NAALADL2: variants seen among roughly 807,000 people sequenced by gnomAD.
NAALADL2 encodes N-acetylated alpha-linked acidic dipeptidase like 2.
Under a neutral mutation model 87.2 loss-of-function variants are expected in NAALADL2, and 76 were observed. That is an observed-to-expected ratio of 0.87 (90% CI 0.72 to 1.05). NAALADL2 has a LOEUF of 1.05. Ranked by LOEUF, NAALADL2 falls within the 50% of genes least tolerant of loss-of-function variation. The probability of loss-of-function intolerance (pLI) is 0.00; values close to 1 mark genes in which losing one functional copy is unlikely to be tolerated. For missense variants in NAALADL2, 1,089 were observed against 945.8 expected (o/e 1.15, Z -1.99); for synonymous variants, 354 against 331.0 (o/e 1.07, Z -0.75).
At chr3:174,883,278 G>T (rs2109732159) in intron 1 of NAALADL2, among the ~76,000 whole-genome samples, 1 of 152,116 alleles carries the variant, frequency 6.6e-6, no homozygotes, top group East Asian at 1.9e-4. Flanking sequence ...GCAATGCTTT[G>T]TATCGTTCAG....
At chr3:175,253,414 G>GA in intron 3 of NAALADL2, among the ~76,000 whole-genome samples, 1 of 152,164 alleles carries the variant, frequency 6.6e-6, no homozygotes, top group Non-Finnish European at 1.5e-5. Flanking sequence ...CTACTGCTCT[G>GA]AAAAAAAGAT....
At position 175,097,146 on chromosome 3, in the gene NAALADL2, A is replaced by C. The variant is rs753346019; in HGVS notation, c.400A>C (p.Ile134Leu). The C allele has an allele frequency of 8.1e-6, 13 of 1,613,642 alleles. No individual in the cohort carries two copies. The highest frequency in any genetic ancestry group is 1.1e-5 in the Non-Finnish European group (13 of 1,179,728). Residue 134 changes from isoleucine to leucine, a missense_variant, in exon 2 of 14, where the codon ATT (isoleucine) becomes CTT (leucine). Physicochemically the swap from Ile to Leu is conservative, Grantham distance 5. Transcript: ENST00000454872. ...HVLKILCTAT[I>L]LFIFGILIGY... ...CTTAAAAATACTTTGCACAGCCACC[A>C]TTTTATTTATTTTTGGGATTTTGAT...
chr3:175,099,116 T>C (rs766354399), intron 2 of NAALADL2, among the ~76,000 whole-genome samples: 3 of 152,274 alleles, frequency 2.0e-5, no homozygotes, highest in Non-Finnish European at 4.4e-5. Flanking sequence ...GTCTTACTTG[T>C]TTTAATTCTT....
intron 9 of NAALADL2, among the ~76,000 whole-genome samples, chr3:175,472,558 T>C (rs1725062323): frequency 6.6e-6 from 1 of 152,108 alleles, no homozygotes; most frequent in Non-Finnish European, 1.5e-5. Flanking sequence ...CCCACAGGAC[T>C]TTTTGGGGAG....
At chr3:175,213,114 C>G (rs534040149) in intron 2 of NAALADL2, among the ~76,000 whole-genome samples, 1 of 152,116 alleles carries the variant, frequency 6.6e-6, no homozygotes, top group Non-Finnish European at 1.5e-5. Context: ...AACAGCAACT[C>G]GGTGAAGTAT....
chr3:174,973,355 G>A (rs1050850852), intron 1 of NAALADL2, among the ~76,000 whole-genome samples: 1 of 152,092 alleles, frequency 6.6e-6, no homozygotes, highest in Non-Finnish European at 1.5e-5. Flanking sequence ...AAGATGTTGC[G>A]ATAAACACTA....
chr3:175,124,072 G>A (rs1347440909), intron 2 of NAALADL2, among the ~76,000 whole-genome samples: 1 of 151,900 alleles, frequency 6.6e-6, no homozygotes, highest in Non-Finnish European at 1.5e-5. Context: ...TTGTGTTTGT[G>A]TCTATGTGGT....
intron 3 of NAALADL2, among the ~76,000 whole-genome samples, chr3:174,755,370 A>C (rs1266164007): frequency 6.6e-6 from 1 of 152,200 alleles, no homozygotes; most frequent in East Asian, 1.9e-4. Flanking sequence ...AATACTCTTA[A>C]GCATTGAATT....
intron 2 of NAALADL2, among the ~76,000 whole-genome samples, chr3:175,122,285 A>G (rs1726275429): frequency 6.6e-6 from 1 of 151,814 alleles, no homozygotes; most frequent in African/African-American, 2.4e-5. Context: ...TGTTGGCTTT[A>G]TTTATGCACT....
chr3:175,654,737 G>A (rs1731218552), intron 11 of NAALADL2, among the ~76,000 whole-genome samples: 1 of 152,042 alleles, frequency 6.6e-6, no homozygotes, highest in Admixed American at 6.6e-5. Context: ...TGAATGGCAG[G>A]CAAATGAAGC....
intron 1 of NAALADL2, among the ~76,000 whole-genome samples, chr3:175,029,825 C>T (rs1752624583): frequency 6.6e-6 from 1 of 152,030 alleles, no homozygotes; most frequent in Admixed American, 6.6e-5. Context: ...GAGGTAATGG[C>T]TCAAAGGACA....
At chr3:175,057,069 A>G (rs1559969151) in intron 1 of NAALADL2, among the ~76,000 whole-genome samples, 1 of 152,176 alleles carries the variant, frequency 6.6e-6, no homozygotes, top group African/African-American at 2.4e-5. Flanking sequence ...CACATTGACT[A>G]CTTTGAAATA....
chr3:175,755,513 G>C (rs913262458), intron 13 of NAALADL2, 95 bp downstream of exon 13: 21 of 853,948 alleles, frequency 2.5e-5, no homozygotes, highest in Middle Eastern at 5.3e-4. Context: ...CATAACAGTA[G>C]TGTAAAAGAA....
At chr3:174,819,458 C>T (rs547819073) in intron 3 of NAALADL2, among the ~76,000 whole-genome samples, 10 of 151,868 alleles carry the variant, frequency 6.6e-5, no homozygotes, top group East Asian at 5.8e-4. Flanking sequence ...AAAGTAAATA[C>T]GATGTAACAT....
intron 1 of NAALADL2, among the ~76,000 whole-genome samples, chr3:174,914,657 A>C (rs571260780): frequency 4.6e-5 from 7 of 152,324 alleles, no homozygotes; most frequent in African/African-American, 1.7e-4. Flanking sequence ...CAATAATCAC[A>C]GACATTTATT....
intron 2 of NAALADL2, among the ~76,000 whole-genome samples, chr3:174,564,699 T>C (rs1031306700): frequency 3.9e-5 from 6 of 152,142 alleles, no homozygotes; most frequent in Admixed American, 3.9e-4. Context: ...CAATTGAGAA[T>C]TGTTATATAT....
rs954038151 is a variant in NAALADL2, at chr3:174,789,092, G to T, written c.-9+51346G>T. 2.6e-5 allele frequency among the ~76,000 whole-genome samples: 4 copies of T among 152,118 alleles called. No individual in the cohort carries two copies. The South Asian group carries it at 8.3e-4, about 32-fold the overall frequency. On this transcript the variant is annotated intron_variant, in intron 3 of 3. Transcript: ENST00000434257. Reference sequence around the variant, plus strand: ...ACCTATTACATCTTCTTTTGCTGAGGTCATTATCACTGGAAGAGAGCAAAA... The same window carrying T: ...ACCTATTACATCTTCTTTTGCTGAGTTCATTATCACTGGAAGAGAGCAAAA...
At chr3:174,678,500 T>C (rs1727248732) in intron 2 of NAALADL2, among the ~76,000 whole-genome samples, 1 of 152,202 alleles carries the variant, frequency 6.6e-6, no homozygotes. Context: ...ATCAGCAGTG[T>C]TATGATTGTT....
intron 5 of NAALADL2, among the ~76,000 whole-genome samples, chr3:175,344,330 T>C (rs1376676417): frequency 1.3e-5 from 2 of 151,956 alleles, no homozygotes; most frequent in Admixed American, 1.3e-4. Flanking sequence ...GAAGTCATGC[T>C]CTGGTTTTCT....
Sources: gnomAD v4.1 joint callset for allele counts (sites outside exome capture counted in the v4.1 genomes callset) on GRCh38, gnomAD v4.1.1 for gene constraint, MANE v1.5 for transcripts, NCBI Gene and HGNC (gene_info 2026-07-23, HGNC 2026-07-21) for gene names.